The following CCNY variants were observed in gnomAD, a reference collection of about 807,000 sequenced individuals.
CCNY encodes the protein cyclin-Y.
Under a neutral mutation model 42.8 loss-of-function variants are expected in CCNY, and 19 were observed. The observed-to-expected ratio is 0.44, with a 90% CI of 0.31 to 0.65. CCNY has a LOEUF of 0.65. Ranked by LOEUF, CCNY falls within the 30% of genes least tolerant of loss-of-function variation. The pLI is 0.07. For missense variants in CCNY, 370 were observed against 437.3 expected (o/e 0.85, Z 1.37); for synonymous variants, 165 against 162.7 (o/e 1.01, Z -0.11).
At chr10:35,263,212 C>G (rs1162419611) in intron 3 of CCNY, among the ~76,000 whole-genome samples, 2 of 151,850 alleles carry the variant, frequency 1.3e-5, no homozygotes, top group African/African-American at 2.4e-5. Context: ...AACAAATTAG[C>G]CAGGCGTGGT....
upstream of CCNY, among the ~76,000 whole-genome samples, chr10:35,334,080 A>G (rs562914750): frequency 2.0e-5 from 3 of 151,688 alleles, no homozygotes; most frequent in Non-Finnish European, 2.9e-5. Context: ...CTGGCAGACC[A>G]GAGGCTGTAC....
chr10:35,312,747 C>CTTTTTTTT (rs10688043), intron 3 of CCNY, among the ~76,000 whole-genome samples: 1 of 112,136 alleles, frequency 8.9e-6, no homozygotes, highest in African/African-American at 3.4e-5. Context: ...TTCCTTTTTA[C>CTTTTTTTT]TTTTTTTTTT....
At chr10:35,496,930 CAGG>C (rs1406206203) in intron 2 of CCNY, among the ~76,000 whole-genome samples, 3 of 152,188 alleles carry the variant, frequency 2.0e-5, no homozygotes, top group Non-Finnish European at 2.9e-5. Context: ...CCCATTTTAT[CAGG>C]AGAAGACTTT....
At chr10:35,257,415 T>C (rs1354948345) in intron 3 of CCNY, among the ~76,000 whole-genome samples, 1 of 151,748 alleles carries the variant, frequency 6.6e-6, no homozygotes, top group Admixed American at 6.6e-5. Context: ...GCAACCAGGA[T>C]TGCAGGCACA....
intron 3 of CCNY, among the ~76,000 whole-genome samples, chr10:35,308,016 G>A (rs1564364397): frequency 6.6e-6 from 1 of 151,484 alleles, no homozygotes; most frequent in Middle Eastern, 3.5e-3. Flanking sequence ...GGGGTTTCAC[G>A]ATGTTGGGCA....
At chr10:35,378,082 C>A (rs1837094181) in intron 1 of CCNY, among the ~76,000 whole-genome samples, 1 of 152,212 alleles carries the variant, frequency 6.6e-6, no homozygotes, top group South Asian at 2.1e-4. Flanking sequence ...ACTGTGGAAT[C>A]TGAAATCATT....
At chr10:35,335,214 G>C (rs1835998692), upstream of CCNY, among the ~76,000 whole-genome samples, 1 of 152,056 alleles carries the variant, frequency 6.6e-6, no homozygotes, top group Non-Finnish European at 1.5e-5. Context: ...GGGAGGGAAT[G>C]CGAACCAACA....
intron 8 of CCNY, among the ~76,000 whole-genome samples, chr10:35,560,265 G>A (rs147747124): frequency 2.4e-4 from 37 of 152,310 alleles, no homozygotes; most frequent in Non-Finnish European, 2.2e-4. Context: ...TGAAGGGCAC[G>A]AAGGCAGTGT....
intron 1 of CCNY, 126 bp from the exon 2 acceptor site, chr10:35,483,278 T>G (rs1839714145): frequency 1.5e-6 from 1 of 656,220 alleles, no homozygotes; most frequent in Non-Finnish European, 2.7e-6. Context: ...ATTAACATAA[T>G]AGCTATAGGT....
intron 1 of CCNY, among the ~76,000 whole-genome samples, chr10:35,400,714 A>G (rs895759539): frequency 5.3e-5 from 8 of 152,194 alleles, no homozygotes; most frequent in South Asian, 2.1e-4. Context: ...ATTCAAGTAC[A>G]TGAAAGCAAG....
chr10:35,402,872 G>A lies in CCNY; in HGVS notation c.154+65665G>A, dbSNP rs1250669029. Among the ~76,000 whole-genome samples the A allele has an allele frequency of 2.6e-5, 4 of 152,254 alleles. No homozygotes were observed. In the East Asian group the frequency reaches 7.7e-4, roughly 29 times the overall value. ...GCCTGAGAAACTGCTTGGGTAATAT[G>A]ACTAGTAAAGGCCCGTCCGTTAATG... On this transcript the variant is annotated intron_variant, in intron 1 of 9. Coordinates refer to ENST00000374704, the MANE Select transcript of CCNY (RefSeq NM_145012.6).
intron 3 of CCNY, among the ~76,000 whole-genome samples, chr10:35,289,834 A>AC (rs1216149643): frequency 2.2e-5 from 3 of 137,464 alleles, no homozygotes; most frequent in Non-Finnish European, 4.6e-5. Flanking sequence ...AGCTGAAATC[A>AC]CCCCACTGCA....
chr10:35,482,024 C>T (rs1839680594), intron 1 of CCNY, among the ~76,000 whole-genome samples: 1 of 152,178 alleles, frequency 6.6e-6, no homozygotes, highest in South Asian at 2.1e-4. Flanking sequence ...ATTGAAGTAG[C>T]ATCTGTTTAA....
intron 1 of CCNY, among the ~76,000 whole-genome samples, chr10:35,346,102 G>C (rs1262454901): frequency 6.6e-6 from 1 of 152,124 alleles, no homozygotes; most frequent in African/African-American, 2.4e-5. Context: ...GCATAAATAT[G>C]CTTTATTATA....
chr10:35,255,960 A>G (rs1042407665), intron 3 of CCNY, among the ~76,000 whole-genome samples: 3 of 152,126 alleles, frequency 2.0e-5, no homozygotes, highest in African/African-American at 7.2e-5. Context: ...TTTCTTTGTC[A>G]ATTGTAACTT....
intron 8 of CCNY, among the ~76,000 whole-genome samples, chr10:35,560,102 T>C (rs1438779147): frequency 6.6e-6 from 1 of 152,134 alleles, no homozygotes; most frequent in Admixed American, 6.5e-5. Context: ...GAATTTTGCC[T>C]TAGGATGAAT....
intron 3 of CCNY, among the ~76,000 whole-genome samples, chr10:35,319,068 T>G (rs1835793350): frequency 6.6e-6 from 1 of 152,152 alleles, no homozygotes; most frequent in Non-Finnish European, 1.5e-5. Context: ...GCTCAAGTGA[T>G]CCACCTGTCT....
At chr10:35,485,673 C>T (rs964133797) in intron 2 of CCNY, among the ~76,000 whole-genome samples, 2 of 148,748 alleles carry the variant, frequency 1.3e-5, no homozygotes, top group South Asian at 2.1e-4. Context: ...TGCAGTGAGC[C>T]GAGATTGTGC....
At chr10:35,334,067 A>G (rs1010935377), upstream of CCNY, among the ~76,000 whole-genome samples, 5 of 149,130 alleles carry the variant, frequency 3.4e-5, no homozygotes, top group Admixed American at 2.7e-4. Flanking sequence ...GGGCACAAAA[A>G]TCCTGGCAGA....
Sources: gnomAD v4.1 joint callset for allele counts (sites outside exome capture counted in the v4.1 genomes callset) on GRCh38, gnomAD v4.1.1 for gene constraint, MANE v1.5 for transcripts, NCBI Gene and HGNC (gene_info 2026-07-23, HGNC 2026-07-21) for gene names.